Variants in ATP8B4 observed in about 807,000 individuals in gnomAD.
ATP8B4 encodes the protein ATPase phospholipid transporting 8B4 (putative).
ATP8B4 carries 133 observed loss-of-function variants against 145.6 expected under a neutral mutation model. The ratio of observed to expected loss-of-function variants is 0.91; its 90% CI spans 0.79 to 1.05. The LOEUF is 1.05. Ranked by LOEUF, ATP8B4 falls within the 50% of genes least tolerant of loss-of-function variation. The probability of loss-of-function intolerance (pLI) is 0.00; values close to 1 mark genes in which losing one functional copy is unlikely to be tolerated. For missense variants in ATP8B4, 1,458 were observed against 1,425.2 expected (o/e 1.02, Z -0.37); for synonymous variants, 507 against 492.9 (o/e 1.03, Z -0.38).
chr15:50,067,802 T>C (rs1348511672), intron 3 of ATP8B4, among the ~76,000 whole-genome samples: 1 of 152,188 alleles, frequency 6.6e-6, no homozygotes, highest in East Asian at 1.9e-4. Flanking sequence ...CACTAGCTTC[T>C]TCATGTATTG....
intron 5 of ATP8B4, among the ~76,000 whole-genome samples, chr15:50,042,382 T>C (rs1207564336): frequency 1.3e-5 from 2 of 152,150 alleles, no homozygotes; most frequent in East Asian, 1.9e-4. Flanking sequence ...TATGAGGAAA[T>C]ATCACATGAA....
chr15:49,873,184 T>TC (rs2033908064), intron 25 of ATP8B4, among the ~76,000 whole-genome samples: 1 of 152,202 alleles, frequency 6.6e-6, no homozygotes, highest in South Asian at 2.1e-4. Context: ...TTTGCACCCT[T>TC]CAGCTGAAAA....
intron 16 of ATP8B4, among the ~76,000 whole-genome samples, chr15:49,929,105 T>C (rs2041011339): frequency 6.6e-6 from 1 of 152,000 alleles, no homozygotes; most frequent in South Asian, 2.1e-4. Context: ...GAGGTAAAGT[T>C]TGAGAACCAT....
At chr15:50,025,108 T>C (rs976771531) in intron 6 of ATP8B4, among the ~76,000 whole-genome samples, 9 of 152,224 alleles carry the variant, frequency 5.9e-5, no homozygotes, top group African/African-American at 2.2e-4. Flanking sequence ...AATTATTGCG[T>C]ATCAACTGCA....
intron 24 of ATP8B4, among the ~76,000 whole-genome samples, chr15:49,878,656 C>T (rs1323886191): frequency 1.3e-5 from 2 of 152,234 alleles, no homozygotes; most frequent in Non-Finnish European, 2.9e-5. Flanking sequence ...TTCCAAGGCT[C>T]TGAGTATGCC....
At chr15:49,942,966 C>T (rs7495057) in intron 14 of ATP8B4, among the ~76,000 whole-genome samples, 29,635 of 151,968 alleles carry the variant, frequency 0.2, 4,304 homozygotes, top group African/African-American at 0.41. Context: ...AAGAAAATGA[C>T]GCATAAGCAA....
chr15:49,894,655 G>A (rs918290148), intron 23 of ATP8B4, among the ~76,000 whole-genome samples: 14 of 152,084 alleles, frequency 9.2e-5, no homozygotes, highest in Admixed American at 4.6e-4. Flanking sequence ...TTCCATAACC[G>A]CATTTAGATC....
rs1246983548 is a variant in ATP8B4 at position 49,922,107 on chromosome 15, T to C, written c.1758+1272A>G. On this transcript the variant is annotated intron_variant, in intron 17 of 27. Coordinates refer to ENST00000284509, the MANE Select transcript of ATP8B4 (RefSeq NM_024837.4). The stretch of plus-strand genomic sequence containing the variant: ...CCTAAATGAGCATTTTATTAAGGTC[T>C]TTTCCTATCATTAAACAATTCGAAA... The C allele has an allele frequency of 8.4e-5, 14 of 167,160 alleles. 1 individual carries two copies. Among genetic ancestry groups the C allele is most frequent in the Non-Finnish European group, 1.7e-4 (13 of 77,444 alleles). The allele number at this position is 167,160 out of a possible 1,614,324, so 10.4% of individuals were successfully genotyped here.
intron 13 of ATP8B4, among the ~76,000 whole-genome samples, chr15:49,963,771 A>C (rs2044294557): frequency 6.6e-6 from 1 of 152,106 alleles, no homozygotes; most frequent in African/African-American, 2.4e-5. Context: ...GGGAAGGGAG[A>C]GCATCAAGAA....
At chr15:49,996,358 C>T (rs925789137) in intron 9 of ATP8B4, among the ~76,000 whole-genome samples, 1 of 151,946 alleles carries the variant, frequency 6.6e-6, no homozygotes, top group Non-Finnish European at 1.5e-5. Context: ...ACAAGGGTGG[C>T]CAATATTTCT....
intron 20 of ATP8B4, among the ~76,000 whole-genome samples, chr15:49,909,645 A>C (rs557818892): frequency 7.7e-4 from 117 of 151,268 alleles, no homozygotes; most frequent in African/African-American, 2.8e-3. Context: ...ATGCCCAATA[A>C]AACTTCACTA....
At chr15:49,999,836 C>T (rs564953650) in intron 8 of ATP8B4, among the ~76,000 whole-genome samples, 2 of 152,206 alleles carry the variant, frequency 1.3e-5, no homozygotes, top group South Asian at 4.2e-4. Flanking sequence ...ATAGCCGTAC[C>T]CACCTCCCTG....
chr15:49,913,351 A>T (rs548470033), intron 20 of ATP8B4, among the ~76,000 whole-genome samples: 2 of 152,264 alleles, frequency 1.3e-5, no homozygotes, highest in South Asian at 4.1e-4. Flanking sequence ...CTCTCAACAA[A>T]CTAGGTGTAG....
At chr15:50,079,183 T>C (rs1010685508) in intron 2 of ATP8B4, among the ~76,000 whole-genome samples, 1 of 152,144 alleles carries the variant, frequency 6.6e-6, no homozygotes, top group Non-Finnish European at 1.5e-5. Context: ...AAATATCTAA[T>C]GTATAACCCA....
Position 50,010,934 on chromosome 15 carries a change from A to T in ATP8B4, c.363-17T>A. On this transcript the variant is annotated splice_polypyrimidine_tract_variant and intron_variant, in intron 6 of 27. Transcript: ENST00000284509. ...TTCTGCAGTCTAAAAACAAAAATAAAATTAATTTTCTTCAAGAATGAAGAA... is the reference window on the plus strand; with the variant it reads ...TTCTGCAGTCTAAAAACAAAAATAATATTAATTTTCTTCAAGAATGAAGAA... 1 of 1,493,892 alleles carries T rather than the reference A, an allele frequency of 6.7e-7. No homozygotes were observed. The highest frequency in any genetic ancestry group is 9.1e-7 in the Non-Finnish European group (1 of 1,104,618). 92.5% of individuals were successfully genotyped at this position (1,493,892 alleles called of 1,614,324 possible). A position where few individuals can be genotyped will look rare whatever the true frequency, so the allele number is the denominator to read the frequency against.
At position 50,072,948 on chromosome 15, in the gene ATP8B4, C is replaced by G. The variant is rs1567305859; in HGVS notation, c.87+1179G>C. 6.2e-4 allele frequency among the ~76,000 whole-genome samples: 17 copies of G among 27,366 alleles called. 1 individual carries two copies. The highest frequency in any genetic ancestry group is 2.4e-3 in the African/African-American group (15 of 6,246). 18.0% of individuals were successfully genotyped at this position (27,366 alleles called of 152,430 possible). ...TCTCTCTCTCTCTCTCTCTCTCTCT[C>G]TCTCTCTCTCTCTCTCTCTCTCTCT... On this transcript the variant is annotated intron_variant, in intron 3 of 27. Coordinates refer to ENST00000284509, the MANE Select transcript of ATP8B4 (RefSeq NM_024837.4).
chr15:50,106,206 TC>T (rs1440086787), intron 2 of ATP8B4, among the ~76,000 whole-genome samples: 2 of 152,178 alleles, frequency 1.3e-5, no homozygotes, highest in African/African-American at 4.8e-5. Flanking sequence ...GCCTTTAGTC[TC>T]TAAAGAGTCT....
chr15:49,996,426 T>A (rs555661420), intron 9 of ATP8B4, among the ~76,000 whole-genome samples: 18 of 152,038 alleles, frequency 1.2e-4, no homozygotes, highest in African/African-American at 4.1e-4. Flanking sequence ...TAAAGGGTAT[T>A]ATGGGATTGA....
At chr15:50,134,168 TAGAC>T (rs2044089548) in intron 1 of ATP8B4, among the ~76,000 whole-genome samples, 1 of 151,960 alleles carries the variant, frequency 6.6e-6, no homozygotes. Context: ...GTAAGAATGA[TAGAC>T]TGTCAGTGAG....
Sources: gnomAD v4.1 joint callset for allele counts (sites outside exome capture counted in the v4.1 genomes callset) on GRCh38, gnomAD v4.1.1 for gene constraint, MANE v1.5 for transcripts, NCBI Gene and HGNC (gene_info 2026-07-23, HGNC 2026-07-21) for gene names.